Variants in SYPL1 observed in about 807,000 individuals in gnomAD.
The protein encoded by SYPL1 is synaptophysin-like protein 1.
Under a neutral mutation model 23.7 loss-of-function variants are expected in SYPL1, and 6 were observed. That is an observed-to-expected ratio of 0.25 (90% CI 0.14 to 0.50). SYPL1 has a LOEUF of 0.50. Among genes scored for constraint, SYPL1 ranks in the 20% least tolerant of loss-of-function variants. The pLI is 0.98. For synonymous variants in SYPL1, 102 were observed against 104.5 expected, an observed-to-expected ratio of 0.98 and a Z score of 0.15; for missense variants, 253 against 288.9, an observed-to-expected ratio of 0.88 and a Z score of 0.90.
chr7:106,098,561 T>G (rs1001724829), intron 2 of SYPL1, among the ~76,000 whole-genome samples: 1 of 152,196 alleles, frequency 6.6e-6, no homozygotes, highest in Non-Finnish European at 1.5e-5. Flanking sequence ...TAAGTAAAAT[T>G]AGTAAGTGAA....
Position 106,097,855 on chromosome 7 carries a change from T to C in SYPL1, c.237A>G (p.Ile79Met), listed in dbSNP as rs1840103384. 6.2e-7 allele frequency: 1 copy of C among 1,613,744 alleles called. No homozygotes were observed. The highest frequency in any genetic ancestry group is 1.1e-5 in the South Asian group (1 of 91,072). ...CGTAATCTTTCCAATTTACATCACA[T>C]ATGTTTACACCTGGAGGTGGCTGAA... ...ASFQPPPGVN[I>M]CDVNWKDYVL... The change falls in exon 3 of 5, where the codon ATA becomes ATG. Residue 79 changes from isoleucine (I) to methionine (M), a missense_variant. Coordinates refer to ENST00000455385, the MANE Select transcript of SYPL1 (RefSeq NM_182715.4). This position sits in a 1 kb window ranked among gnomAD's most constrained non-coding sequence, Gnocchi z 4.6.
chr7:106,109,213 T>A lies in SYPL1; in HGVS notation c.69+2927A>T, dbSNP rs1490324395. On this transcript the variant is annotated intron_variant, in intron 1 of 4. Coordinates refer to ENST00000455385, the MANE Select transcript of SYPL1 (RefSeq NM_182715.4). The surrounding 1 kb of genome is among the most constrained non-coding windows in gnomAD (Gnocchi z 4.3). ...CAATGGTTGTCTCCAGAGAATGCAT[T>A]TAAGCAACTGAGTTGTAAGCTGAAC... 6.6e-6 allele frequency among the ~76,000 whole-genome samples: 1 copy of A among 152,208 alleles called. No homozygotes were observed. The highest frequency in any genetic ancestry group is 1.5e-5 in the Non-Finnish European group (1 of 68,040).
intron 2 of SYPL1, 121 bp from the exon 3 acceptor site, chr7:106,098,018 A>G: frequency 2.5e-6 from 2 of 797,094 alleles, no homozygotes; most frequent in Non-Finnish European, 3.8e-6. Context: ...TCCTTTGGGG[A>G]AAAAAGTAAA....
intron 1 of SYPL1, among the ~76,000 whole-genome samples, chr7:106,106,177 T>C (rs1041096624): frequency 2.0e-5 from 3 of 152,176 alleles, no homozygotes; most frequent in Admixed American, 1.3e-4. Flanking sequence ...CTAACTGACA[T>C]AGTAAAACAT....
At chr7:106,092,907 C>T (rs1208587274) in intron 4 of SYPL1, 42 bp downstream of exon 4, 18 of 1,448,004 alleles carry the variant, frequency 1.2e-5, no homozygotes, top group Non-Finnish European at 1.6e-5. Context: ...GTACTTTAAA[C>T]AAATATATGA....
At chr7:106,105,879 T>C (rs12667386) in intron 1 of SYPL1, among the ~76,000 whole-genome samples, 72,425 of 151,940 alleles carry the variant, frequency 0.48, 18,877 homozygotes, top group East Asian at 0.79. Flanking sequence ...TATGGAATAA[T>C]TTGTCTAGTT....
chr7:106,112,045 G>T, intron 1 of SYPL1, 95 bp downstream of exon 1: 1 of 1,192,950 alleles, frequency 8.4e-7, no homozygotes, highest in South Asian at 3.5e-5. Flanking sequence ...AAGCCCGCGC[G>T]GCAGGGCTGC....
rs549178109 is a variant in SYPL1 at position 106,091,665 on chromosome 7, TA to T, written c.*139del. 3.7e-4 allele frequency: 323 copies of T among 870,526 alleles called. No homozygotes were observed. The highest frequency in any genetic ancestry group is 2.9e-4 in the East Asian group (10 of 34,476). 53.9% of individuals were successfully genotyped at this position (870,526 alleles called of 1,614,324 possible). ...TTCTAGGAAAGGCACAGGCTTTATGTAAAAAAGCAGCAAAGTTTTAAACCCA... is the reference window on the plus strand; with the variant it reads ...TTCTAGGAAAGGCACAGGCTTTATGTAAAAAGCAGCAAAGTTTTAAACCCA... On this transcript the variant is annotated 3_prime_UTR_variant, in exon 5 of 5. Transcript: ENST00000455385. This position sits in a 1 kb window ranked among gnomAD's most constrained non-coding sequence, Gnocchi z 5.0.
chr7:106,102,019 G>C (rs1366210159), intron 1 of SYPL1, among the ~76,000 whole-genome samples: 1 of 152,020 alleles, frequency 6.6e-6, no homozygotes, highest in African/African-American at 2.4e-5. Flanking sequence ...GTAGTGACTT[G>C]CTTCTACAGA....
intron 1 of SYPL1, among the ~76,000 whole-genome samples, chr7:106,111,383 C>T (rs182299633): frequency 1.2e-4 from 19 of 152,302 alleles, no homozygotes; most frequent in African/African-American, 4.6e-4. Context: ...ACCAACTCCT[C>T]CAAGTAACTG....
chr7:106,105,132 C>T (rs1442169978), intron 1 of SYPL1, among the ~76,000 whole-genome samples: 1 of 152,116 alleles, frequency 6.6e-6, no homozygotes, highest in Non-Finnish European at 1.5e-5. Flanking sequence ...ATTGTCTTAA[C>T]AGCCCTCAGG....
Position 106,097,863 on chromosome 7 carries a change from C to T in SYPL1, c.229G>A (p.Val77Ile), listed in dbSNP as rs775104366. Residue 77 changes from valine to isoleucine, a missense_variant, in exon 3 of 5, where the codon GTA (valine) becomes ATA (isoleucine). Transcript: ENST00000455385. This position sits in a 1 kb window ranked among gnomAD's most constrained non-coding sequence, Gnocchi z 4.6. ...NEASFQPPPG[V>I]NICDVNWKDY... is the part of the protein sequence containing the mutation. ...TTCCAATTTACATCACATATGTTTA[C>T]ACCTGGAGGTGGCTGAAATGATGCC... The T allele has an allele frequency of 3.7e-6, 6 of 1,613,324 alleles. No homozygotes were observed. The highest frequency in any genetic ancestry group is 2.2e-5 in the South Asian group (2 of 91,032).
At position 106,096,290 on chromosome 7, in the gene SYPL1, T is replaced by C. The variant is rs1585936182; in HGVS notation, c.402+1400A>G. The stretch of plus-strand genomic sequence containing the variant: ...AATGATAAAAGACTGTTGTATTACT[T>C]ACCATTTCCATTCTTATGATCCAGC... On this transcript the variant is annotated intron_variant, in intron 3 of 4. Transcript: ENST00000455385. The surrounding 1 kb of genome is among the most constrained non-coding windows in gnomAD (Gnocchi z 4.4). The C allele has an allele frequency of 6.6e-6, 1 of 152,332 alleles. No individual in the cohort carries two copies. The highest frequency in any genetic ancestry group is 2.1e-4 in the South Asian group (1 of 4,832). 9.4% of individuals were successfully genotyped at this position (152,332 alleles called of 1,614,324 possible).
rs927623119 is a variant in SYPL1, at chr7:106,112,197, G to C, written c.12C>G (p.Phe4Leu). 6.5e-7 allele frequency: 1 copy of C among 1,543,850 alleles called. No individual in the cohort carries two copies. The highest frequency in any genetic ancestry group is 2.5e-5 in the East Asian group (1 of 39,796). ...CCTTGAGCGGGTTGAGGTTGATCTG[G>C]AAGCCGGACATCCTCTGAGGAAAGG... is the stretch of plus-strand genomic sequence containing the variant. MSG[F>L]QINLNPLKEP... Residue 4 changes from phenylalanine (F) to leucine (L), a missense_variant, in exon 1 of 5, where the codon TTC (phenylalanine) becomes TTG (leucine). Phe to Leu is a conservative substitution (Grantham distance 22). Transcript: ENST00000455385.
In SYPL1 at chr7:106,091,704, C is replaced by T; in HGVS notation, c.*101G>A. On this transcript the variant is annotated 3_prime_UTR_variant, in exon 5 of 5. Coordinates refer to ENST00000455385, the MANE Select transcript of SYPL1 (RefSeq NM_182715.4). The surrounding 1 kb of genome is among the most constrained non-coding windows in gnomAD (Gnocchi z 5.0). ...AGTTTTAAACCCACCAATATATTGACAAAGCCATTACTTTTATTAGAAACA... is the reference window on the plus strand; with the variant it reads ...AGTTTTAAACCCACCAATATATTGATAAAGCCATTACTTTTATTAGAAACA... 1 of 1,316,702 alleles carries T rather than the reference C, an allele frequency of 7.6e-7. No homozygotes were observed. Among genetic ancestry groups the T allele is most frequent in the Admixed American group, 2.7e-5 (1 of 37,076 alleles). 81.6% of individuals were successfully genotyped at this position (1,316,702 alleles called of 1,614,324 possible). A position where few individuals can be genotyped will look rare whatever the true frequency, so the allele number is the denominator to read the frequency against.
At chr7:106,102,895 A>C (rs535201581) in intron 1 of SYPL1, among the ~76,000 whole-genome samples, 2 of 152,264 alleles carry the variant, frequency 1.3e-5, no homozygotes, top group East Asian at 3.9e-4. Flanking sequence ...ATAAAAGAAA[A>C]CCTGTGACCA....
At position 106,097,890 on chromosome 7, in the gene SYPL1, C is replaced by T. The variant is rs761485179; in HGVS notation, c.202G>A (p.Glu68Lys). The stretch of plus-strand genomic sequence containing the variant: ...CCTGGAGGTGGCTGAAATGATGCCT[C>T]ATTCAACCTATTAAAATAAATGTAT... ...ATFGYPFRLN[E>K]ASFQPPPGVN... The change falls in exon 3 of 5, where the codon GAG becomes AAG. Residue 68 changes from glutamate (E) to lysine (K), a missense_variant. Physicochemically the swap from Glu to Lys is moderately conservative, Grantham distance 56. Coordinates refer to ENST00000455385, the MANE Select transcript of SYPL1 (RefSeq NM_182715.4). This position sits in a 1 kb window ranked among gnomAD's most constrained non-coding sequence, Gnocchi z 4.6. The T allele has an allele frequency of 4.3e-6, 7 of 1,610,584 alleles. No individual in the cohort carries two copies. The highest frequency in any genetic ancestry group is 1.1e-5 in the South Asian group (1 of 90,804).
At chr7:106,112,101 G>C in intron 1 of SYPL1, 39 bp downstream of exon 1, 1 of 1,398,648 alleles carries the variant, frequency 7.1e-7, no homozygotes, top group Non-Finnish European at 9.4e-7. Flanking sequence ...GCGCCGCGCC[G>C]AGCGGCAGGC....
chr7:106,091,970 A>T lies in SYPL1; in HGVS notation c.592-31T>A. ...AAAGAGAAAAAGAAATATGAAAATC[A>T]AATACCTACTTATAAAAATTCATGC... On this transcript the variant is annotated intron_variant, in intron 4 of 4. Coordinates refer to ENST00000455385, the MANE Select transcript of SYPL1 (RefSeq NM_182715.4). The surrounding 1 kb of genome is among the most constrained non-coding windows in gnomAD (Gnocchi z 5.0). 12 of 1,574,814 alleles carry T rather than the reference A, an allele frequency of 7.6e-6. No homozygotes were observed. The highest frequency in any genetic ancestry group is 1.0e-5 in the Non-Finnish European group (12 of 1,164,658).
Sources: gnomAD v4.1 joint callset for allele counts (sites outside exome capture counted in the v4.1 genomes callset) on GRCh38, gnomAD v4.1.1 for gene constraint, Gnocchi (gnomAD v3.1) non-coding constraint, MANE v1.5 for transcripts, NCBI Gene and HGNC (gene_info 2026-07-23, HGNC 2026-07-21) for gene names.